Variants in GRB10 observed in about 807,000 individuals in gnomAD.
The protein encoded by GRB10 is growth factor receptor bound protein 10.
In GRB10, 20 loss-of-function variants were observed where a neutral mutation model predicts 80.9. That is an observed-to-expected ratio of 0.25 (90% CI 0.17 to 0.36). The LOEUF is 0.36. Ranked by LOEUF, GRB10 falls within the 10% of genes least tolerant of loss-of-function variation. The probability of loss-of-function intolerance (pLI) is 1.00; values close to 1 mark genes in which losing one functional copy is unlikely to be tolerated. For missense variants in GRB10, 548 were observed against 747.7 expected (o/e 0.73, Z 3.12); for synonymous variants, 291 against 291.5 (o/e 1.00, Z 0.02).
At chr7:50,699,361 T>C (rs990306076) in intron 5 of GRB10, among the ~76,000 whole-genome samples, 3 of 152,248 alleles carry the variant, frequency 2.0e-5, no homozygotes, top group Non-Finnish European at 4.4e-5. Context: ...TTTTCCATTA[T>C]GTATGATGCA....
intron 7 of GRB10, among the ~76,000 whole-genome samples, chr7:50,636,468 T>C (rs2055046541): frequency 6.6e-6 from 1 of 152,090 alleles, no homozygotes; most frequent in African/African-American, 2.4e-5. Flanking sequence ...AAAACATAGA[T>C]GCAAAAATCC....
At chr7:50,676,348 G>T (rs1002377690) in intron 5 of GRB10, among the ~76,000 whole-genome samples, 2 of 150,424 alleles carry the variant, frequency 1.3e-5, no homozygotes, top group African/African-American at 2.5e-5. Context: ...GGGGGGGGGG[G>T]GGTTGTAAGG....
At chr7:50,601,142 G>A (rs2047531521) in intron 17 of GRB10, among the ~76,000 whole-genome samples, 1 of 152,242 alleles carries the variant, frequency 6.6e-6, no homozygotes, top group South Asian at 2.1e-4. Context: ...CTTGCAGCAC[G>A]CTACATTTGC....
intron 3 of GRB10, among the ~76,000 whole-genome samples, chr7:50,736,116 C>G (rs562089783): frequency 2.0e-5 from 3 of 152,002 alleles, no homozygotes; most frequent in Non-Finnish European, 4.4e-5. Flanking sequence ...TGAAACCTCA[C>G]CTCTACTAAA....
chr7:50,710,891 G>A (rs370652911), intron 4 of GRB10: 22 of 1,612,676 alleles, frequency 1.4e-5, no homozygotes, highest in Non-Finnish European at 1.9e-5. Context: ...ACGGAACAGA[G>A]GGCCGGCAGC....
chr7:50,736,276 A>C (rs1029720410), intron 3 of GRB10, among the ~76,000 whole-genome samples: 3 of 151,958 alleles, frequency 2.0e-5, no homozygotes, highest in Admixed American at 2.0e-4. Context: ...ACACAGCCAG[A>C]CTTCATCTCA....
At chr7:50,662,493 G>T (rs959375624) in intron 7 of GRB10, among the ~76,000 whole-genome samples, 1 of 152,170 alleles carries the variant, frequency 6.6e-6, no homozygotes, top group African/African-American at 2.4e-5. Flanking sequence ...CAGGCAGGAG[G>T]GGGGACAGAC....
At chr7:50,641,466 G>A (rs1470476733) in intron 7 of GRB10, among the ~76,000 whole-genome samples, 2 of 152,190 alleles carry the variant, frequency 1.3e-5, no homozygotes, top group South Asian at 2.1e-4. Flanking sequence ...CCTGGCACTA[G>A]TGTAACAAGG....
chr7:50,652,458 G>A (rs1307481396), intron 7 of GRB10, among the ~76,000 whole-genome samples: 1 of 152,214 alleles, frequency 6.6e-6, no homozygotes, highest in African/African-American at 2.4e-5. Flanking sequence ...ACACCAAAGA[G>A]GGTGGACACA....
At chr7:50,697,576 T>G (rs1038559449) in intron 5 of GRB10, among the ~76,000 whole-genome samples, 16 of 152,198 alleles carry the variant, frequency 1.1e-4, no homozygotes, top group African/African-American at 3.9e-4. Context: ...TCAGGTTCCA[T>G]GCAAGGATCC....
intron 13 of GRB10, among the ~76,000 whole-genome samples, chr7:50,608,471 C>A (rs2153573204): frequency 6.6e-6 from 1 of 152,108 alleles, no homozygotes. Flanking sequence ...GAGAAGAATG[C>A]AAATTTAGGA....
chr7:50,740,342 A>G lies in GRB10; in HGVS notation c.-46-7974T>C, dbSNP rs538490157. On this transcript the variant is annotated intron_variant, in intron 3 of 18. Coordinates refer to ENST00000401949, the MANE Select transcript of GRB10 (RefSeq NM_001350814.2). ...GACAGTCACAAACCCCATCTTGTTC[A>G]AGAACTCAGTCTTGTTCCCTGCCAT... is the stretch of plus-strand genomic sequence containing the variant. 5.5e-4 allele frequency among the ~76,000 whole-genome samples: 84 copies of G among 152,330 alleles called. 2 individuals are homozygous for G. The South Asian group carries it at 0.017, about 31-fold the overall frequency.
intron 4 of GRB10, among the ~76,000 whole-genome samples, chr7:50,717,966 C>G (rs1489148345): frequency 6.6e-6 from 1 of 152,202 alleles, no homozygotes; most frequent in Non-Finnish European, 1.5e-5. Context: ...CAGTTCTGAT[C>G]CCCCCAGGCA....
chr7:50,749,903 C>T (rs1377338834), intron 3 of GRB10, among the ~76,000 whole-genome samples: 1 of 152,214 alleles, frequency 6.6e-6, no homozygotes, highest in East Asian at 1.9e-4. Context: ...TATCATAAAT[C>T]TTATTGCATG....
At chr7:50,593,314 G>A (rs1194644948) in intron 18 of GRB10, among the ~76,000 whole-genome samples, 1 of 152,162 alleles carries the variant, frequency 6.6e-6, no homozygotes, top group Non-Finnish European at 1.5e-5. Context: ...GACTTTGGGT[G>A]GGCTGCGGAG....
intron 4 of GRB10, among the ~76,000 whole-genome samples, chr7:50,708,297 A>C (rs7785209): frequency 0.013 from 1,946 of 152,218 alleles, 48 homozygotes; most frequent in African/African-American, 0.044. Flanking sequence ...TCTTTAATTC[A>C]ATAGATAGAC....
At chr7:50,671,530 C>T (rs984792309) in intron 6 of GRB10, among the ~76,000 whole-genome samples, 1 of 152,254 alleles carries the variant, frequency 6.6e-6, no homozygotes, top group Admixed American at 6.5e-5. Context: ...CTGCGAAATA[C>T]AGGAAAGCCG....
At chr7:50,598,745 T>C (rs1386069497) in intron 17 of GRB10, among the ~76,000 whole-genome samples, 1 of 152,214 alleles carries the variant, frequency 6.6e-6, no homozygotes, top group Non-Finnish European at 1.5e-5. Flanking sequence ...ACAAGGGTGC[T>C]ATGTGAGTCC....
chr7:50,594,546 A>C (rs1026331161), intron 18 of GRB10, among the ~76,000 whole-genome samples: 1 of 152,214 alleles, frequency 6.6e-6, no homozygotes, highest in Non-Finnish European at 1.5e-5. Flanking sequence ...CTCTGAGAGG[A>C]AACTGTCCAG....
Sources: allele counts gnomAD v4.1 joint callset (sites outside exome capture counted in the v4.1 genomes callset), GRCh38; gene constraint gnomAD v4.1.1; transcripts MANE v1.5; gene names NCBI Gene and HGNC (gene_info 2026-07-23, HGNC 2026-07-21).